The following COL5A1 variants were observed in gnomAD, a reference collection of about 807,000 sequenced individuals.
COL5A1 encodes the protein collagen alpha-1(V) chain.
In COL5A1, 16 loss-of-function variants were observed where a neutral mutation model predicts 263.7. The observed-to-expected ratio is 0.06, with a 90% CI of 0.04 to 0.09. The LOEUF (loss-of-function observed/expected upper bound fraction) is 0.09. Among genes scored for constraint, COL5A1 ranks in the 10% least tolerant of loss-of-function variants. The pLI is 1.00. For synonymous variants in COL5A1, 1,012 were observed against 1,004.5 expected (o/e 1.01, Z -0.14); for missense variants, 2,036 against 2,540.5 (o/e 0.80, Z 4.27).
chr9:134,651,908 G>A (rs115672701), intron 1 of COL5A1, among the ~76,000 whole-genome samples: 3,161 of 152,236 alleles, frequency 0.021, 137 homozygotes, highest in African/African-American at 0.073. Flanking sequence ...TCCTCTTCCT[G>A]TGCTATTTCT....
At chr9:134,826,664 G>T (rs1248321540) in intron 63 of COL5A1, among the ~76,000 whole-genome samples, 2 of 149,476 alleles carry the variant, frequency 1.3e-5, no homozygotes, top group East Asian at 2.0e-4. Context: ...CTGGTGGATG[G>T]GTGTGTGTAT....
At chr9:134,763,564 A>G in intron 19 of COL5A1, 129 bp from the exon 20 acceptor site, 1 of 921,206 alleles carries the variant, frequency 1.1e-6, no homozygotes, top group Non-Finnish European at 1.8e-6. Flanking sequence ...TCCGGCTGGT[A>G]CCAGAGCTGG....
intron 42 of COL5A1, among the ~76,000 whole-genome samples, chr9:134,806,795 TG>T (rs1838312891): frequency 6.6e-6 from 1 of 152,018 alleles, no homozygotes; most frequent in South Asian, 2.1e-4. Flanking sequence ...GTTTCTTGGT[TG>T]GGGGGCAGGT....
chr9:134,785,840 C>G (rs547084963), intron 30 of COL5A1, among the ~76,000 whole-genome samples, 155 bp from the exon 31 acceptor site: 84 of 152,332 alleles, frequency 5.5e-4, no homozygotes, highest in African/African-American at 1.9e-3. Flanking sequence ...CCACCTAGGG[C>G]AGGCAGGGCT....
At chr9:134,747,636 CAT>C (rs1157944081) in intron 11 of COL5A1, among the ~76,000 whole-genome samples, 1 of 152,068 alleles carries the variant, frequency 6.6e-6, no homozygotes, top group Non-Finnish European at 1.5e-5. Flanking sequence ...TACATGCACA[CAT>C]GCATTCATAC....
In COL5A1 at chr9:134,732,089, G is replaced by A. The variant is rs755546104; in HGVS notation, c.1351G>A (p.Glu451Lys). 35 of 1,614,218 alleles carry A rather than the reference G, an allele frequency of 2.2e-5. No homozygotes were observed. The highest frequency in any genetic ancestry group is 5.5e-5 in the South Asian group (5 of 91,084). ...IYEGIGGPRG[E>K]KGQKGEPAII... ...CCCCCAGATTGGAGGACCTCGGGGC[G>A]AGAAAGGCCAAAAGGGAGAACCAGC... The change falls in exon 9 of 66, where the codon GAG (glutamate) becomes AAG (lysine). Residue 451 changes from glutamate (E) to lysine (K), a missense_variant. This residue lies in a region of COL5A1 where 600 missense variants were observed against 634.5 expected (regional missense o/e 0.95). Transcript: ENST00000371817.
At chr9:134,823,101 C>A in intron 60 of COL5A1, 68 bp downstream of exon 60, 2 of 1,540,522 alleles carry the variant, frequency 1.3e-6, no homozygotes, top group Non-Finnish European at 1.8e-6. Flanking sequence ...TCCCCTGGCA[C>A]GGGAACAAAC....
At position 134,765,716 on chromosome 9, in the gene COL5A1, A is replaced by AGGTCCTCCC; in HGVS notation, c.2073_2081dup (p.Pro695_Gly697dup). The AGGTCCTCCC allele has an allele frequency of 6.2e-7, 1 of 1,613,472 alleles. No individual in the cohort carries two copies. The highest frequency in any genetic ancestry group is 8.5e-7 in the Non-Finnish European group (1 of 1,179,640). On this transcript the variant is annotated inframe_insertion, in exon 21 of 66. Transcript: ENST00000371817. This position sits in a 1 kb window ranked among gnomAD's most constrained non-coding sequence, Gnocchi z 5.1. ...GTCTGCTTGGGCCGAAGGGGCCCCCAGGTCCTCCCGGACCTCCCGTAAGTC... is the reference window on the plus strand; with the variant it reads ...GTCTGCTTGGGCCGAAGGGGCCCCCAGGTCCTCCCGGTCCTCCCGGACCTCCCGTAAGTC...
chr9:134,717,376 C>A (rs1362543970), intron 4 of COL5A1, among the ~76,000 whole-genome samples: 1 of 152,246 alleles, frequency 6.6e-6, no homozygotes, highest in African/African-American at 2.4e-5. Context: ...ACCCTCCCAG[C>A]AGCCTCTGGG....
chr9:134,803,904 C>T (rs748699767), intron 39 of COL5A1, among the ~76,000 whole-genome samples: 1 of 152,074 alleles, frequency 6.6e-6, no homozygotes, highest in East Asian at 1.9e-4. Context: ...AAGTGAAAAG[C>T]AAACGTGTTT....
At chr9:134,796,604 C>A (rs931452783) in intron 35 of COL5A1, among the ~76,000 whole-genome samples, 186 bp downstream of exon 35, 2 of 152,172 alleles carry the variant, frequency 1.3e-5, no homozygotes, top group African/African-American at 4.8e-5. Context: ...AGGTCAGGGG[C>A]CTCGACCGCA....
intron 1 of COL5A1, among the ~76,000 whole-genome samples, chr9:134,671,021 G>A (rs1564377368): frequency 6.6e-6 from 1 of 152,246 alleles, no homozygotes; most frequent in South Asian, 2.1e-4. Flanking sequence ...GAGGAGACGT[G>A]AAGTCGGGGC....
At chr9:134,760,221 A>G (rs1481687285) in intron 18 of COL5A1, among the ~76,000 whole-genome samples, 19 of 84,642 alleles carry the variant, frequency 2.2e-4, no homozygotes, top group Non-Finnish European at 4.3e-5. Flanking sequence ...ACATGCACAC[A>G]CCACATGCAC....
chr9:134,805,371 C>T (rs1048775951), intron 41 of COL5A1, among the ~76,000 whole-genome samples, 157 bp downstream of exon 41: 1 of 152,086 alleles, frequency 6.6e-6, no homozygotes, highest in Admixed American at 6.5e-5. Context: ...GAGATGCGGA[C>T]GGCGCATCCC....
chr9:134,821,947 A>G lies in COL5A1; in HGVS notation c.4555-150A>G, dbSNP rs537853491. ...CCTGACATGCACAGCCCAGGATCAGAAAGCAGCCACAGGAGGCTGCTGAGG... is the reference window on the plus strand; with the variant it reads ...CCTGACATGCACAGCCCAGGATCAGGAAGCAGCCACAGGAGGCTGCTGAGG... On this transcript the variant is annotated intron_variant, in intron 58 of 65. Coordinates refer to ENST00000371817, the MANE Select transcript of COL5A1 (RefSeq NM_000093.5). This position sits in a 1 kb window ranked among gnomAD's most constrained non-coding sequence, Gnocchi z 4.2. 1.6e-4 allele frequency: 123 copies of G among 746,596 alleles called. 2 individuals are homozygous for G. In the African/African-American group the frequency reaches 1.9e-3, roughly 12 times the overall value. 46.2% of individuals were successfully genotyped at this position (746,596 alleles called of 1,614,324 possible).
In COL5A1 at chr9:134,815,607, C is replaced by T; in HGVS notation, c.4046C>T (p.Pro1349Leu). 1 of 1,613,824 alleles carries T rather than the reference C, an allele frequency of 6.2e-7. No homozygotes were observed. The change falls in exon 51 of 66, where the codon CCC becomes CTC. Residue 1349 changes from proline to leucine, a missense_variant. Coordinates refer to ENST00000371817, the MANE Select transcript of COL5A1 (RefSeq NM_000093.5). Reference sequence around the variant, plus strand: ...GTGGGTTTTCCTGGAGATCCTGGCCCCCCCGGAGAGCCTGGCCCCGCGGTA... The same window carrying T: ...GTGGGTTTTCCTGGAGATCCTGGCCTCCCCGGAGAGCCTGGCCCCGCGGTA... ...GPVGFPGDPG[P>L]PGEPGPAGQD...
rs73556962 is a variant in COL5A1 at position 134,652,127 on chromosome 9, T to A, written c.109+9831T>A. On this transcript the variant is annotated intron_variant, in intron 1 of 65. Coordinates refer to ENST00000371817, the MANE Select transcript of COL5A1 (RefSeq NM_000093.5). The surrounding 1 kb of genome is among the most constrained non-coding windows in gnomAD (Gnocchi z 4.4). Reference sequence around the variant, plus strand: ...GTGAAGGGCGTTCTCGAGGGAAGGGTAGGGAACGATTTCTGACTGCGATTG... The same window carrying A: ...GTGAAGGGCGTTCTCGAGGGAAGGGAAGGGAACGATTTCTGACTGCGATTG... 0.094 allele frequency among the ~76,000 whole-genome samples: 14,280 copies of A among 151,902 alleles called. 1,769 individuals carry two copies. The highest frequency in any genetic ancestry group is 0.28 in the African/African-American group (11,532 of 41,380).
intron 1 of COL5A1, among the ~76,000 whole-genome samples, chr9:134,644,978 C>T (rs1266303670): frequency 2.0e-5 from 3 of 152,150 alleles, no homozygotes; most frequent in Admixed American, 1.3e-4. Context: ...CTGCCCCCTC[C>T]CTCCCTCTCC....
intron 27 of COL5A1, among the ~76,000 whole-genome samples, chr9:134,776,327 A>G (rs561554771): frequency 4.4e-4 from 67 of 152,338 alleles, no homozygotes; most frequent in African/African-American, 1.5e-3. Flanking sequence ...GCCAACTCCC[A>G]TACATGGCTA....
Sources: gnomAD v4.1 joint callset for allele counts (sites outside exome capture counted in the v4.1 genomes callset) on GRCh38, gnomAD v4.1.1 for gene constraint, gnomAD v4.1.1 regional missense constraint, Gnocchi (gnomAD v3.1) non-coding constraint, MANE v1.5 for transcripts, NCBI Gene and HGNC (gene_info 2026-07-23, HGNC 2026-07-21) for gene names.